The following ZNF385D variants were observed in gnomAD, a reference collection of about 807,000 sequenced individuals.
The protein encoded by ZNF385D is zinc finger protein 385D, also known as zinc finger protein 659.
In ZNF385D, 15 loss-of-function variants were observed where a neutral mutation model predicts 35.8. That is an observed-to-expected ratio of 0.42 (90% CI 0.28 to 0.64). The LOEUF is 0.64. Among genes scored for constraint, ZNF385D ranks in the 30% least tolerant of loss-of-function variants. The probability of loss-of-function intolerance (pLI) is 0.23; values close to 1 mark genes in which losing one functional copy is unlikely to be tolerated. For synonymous variants in ZNF385D, 212 were observed against 186.8 expected, an observed-to-expected ratio of 1.13 and a Z score of -1.10; for missense variants, 474 against 494.6, an observed-to-expected ratio of 0.96 and a Z score of 0.39.
At chr3:22,014,028 C>T (rs902419404) in intron 3 of ZNF385D, among the ~76,000 whole-genome samples, 4 of 151,772 alleles carry the variant, frequency 2.6e-5, no homozygotes, top group Non-Finnish European at 5.9e-5. Flanking sequence ...AAGAAGCAAC[C>T]CCAAGAAATA....
intron 2 of ZNF385D, among the ~76,000 whole-genome samples, chr3:22,309,075 A>C (rs1288342518): frequency 6.6e-6 from 1 of 152,058 alleles, no homozygotes; most frequent in Non-Finnish European, 1.5e-5. Context: ...AGAAAACCAC[A>C]CTGTGTAACT....
intron 3 of ZNF385D, among the ~76,000 whole-genome samples, chr3:21,970,607 TAGAG>T (rs373534656): frequency 2.0e-5 from 3 of 148,100 alleles, no homozygotes; most frequent in South Asian, 2.2e-4. Context: ...CCTTAAAGAG[TAGAG>T]AGAGAGAGAG....
intron 3 of ZNF385D, among the ~76,000 whole-genome samples, chr3:21,835,524 A>C (rs984940926): frequency 6.6e-6 from 1 of 151,878 alleles, no homozygotes; most frequent in African/African-American, 2.4e-5. Flanking sequence ...ACTACTTAAA[A>C]AAAAAAAAAC....
intron 2 of ZNF385D, among the ~76,000 whole-genome samples, chr3:22,369,318 A>G (rs1696795109): frequency 6.6e-6 from 1 of 152,206 alleles, no homozygotes; most frequent in Admixed American, 6.5e-5. Context: ...AGTAGAAAAT[A>G]CATACATGTG....
intron 1 of ZNF385D, among the ~76,000 whole-genome samples, chr3:21,698,240 A>G (rs971185148): frequency 8.5e-5 from 13 of 152,222 alleles, no homozygotes; most frequent in Admixed American, 2.6e-4. Context: ...AATGTGCTCT[A>G]TATATATCAT....
intron 2 of ZNF385D, among the ~76,000 whole-genome samples, chr3:22,274,736 T>C (rs1701341313): frequency 1.3e-5 from 2 of 151,672 alleles, no homozygotes. Context: ...TTCTATTTAA[T>C]CTTCCAGTCA....
chr3:22,265,306 T>C (rs1700842236), intron 2 of ZNF385D, among the ~76,000 whole-genome samples: 1 of 152,124 alleles, frequency 6.6e-6, no homozygotes, highest in Admixed American at 6.6e-5. Context: ...AAGATTTTTT[T>C]AAAACCAGTT....
chr3:22,327,579 A>G (rs954994128), intron 2 of ZNF385D, among the ~76,000 whole-genome samples: 1 of 152,204 alleles, frequency 6.6e-6, no homozygotes, highest in Non-Finnish European at 1.5e-5. Context: ...AGACTAACAC[A>G]AATCTCCATG....
intron 2 of ZNF385D, among the ~76,000 whole-genome samples, chr3:22,203,307 C>T (rs1576490012): frequency 6.6e-6 from 1 of 152,062 alleles, no homozygotes; most frequent in African/African-American, 2.4e-5. Context: ...GAATATGCTG[C>T]CTGAAGGGGA....
intron 3 of ZNF385D, among the ~76,000 whole-genome samples, chr3:21,899,365 G>A (rs542441114): frequency 5.3e-5 from 8 of 152,056 alleles, no homozygotes; most frequent in South Asian, 2.1e-4. Context: ...TTCTCCCACC[G>A]GGGAAAAGAA....
chr3:21,678,502 T>A (rs1353929640), intron 1 of ZNF385D, among the ~76,000 whole-genome samples: 1 of 152,052 alleles, frequency 6.6e-6, no homozygotes, highest in Non-Finnish European at 1.5e-5. Flanking sequence ...AACCCAAACG[T>A]TTTGTAGAAA....
intron 3 of ZNF385D, among the ~76,000 whole-genome samples, chr3:21,940,495 G>A (rs181370801): frequency 8.0e-4 from 122 of 152,252 alleles, no homozygotes; most frequent in South Asian, 6.2e-4. Flanking sequence ...TTATCAGTTC[G>A]TTCAACATTC....
intron 2 of ZNF385D, among the ~76,000 whole-genome samples, chr3:21,609,957 T>C (rs188415746): frequency 6.6e-6 from 1 of 152,184 alleles, no homozygotes; most frequent in Non-Finnish European, 1.5e-5. Flanking sequence ...CTGTTTCCAG[T>C]TGCGCAGGCA....
At chr3:21,708,644 T>A (rs2067992598) in intron 1 of ZNF385D, among the ~76,000 whole-genome samples, 2 of 152,204 alleles carry the variant, frequency 1.3e-5, no homozygotes, top group African/African-American at 4.8e-5. Flanking sequence ...TTTTACAGAT[T>A]TTTTGTATTC....
intron 3 of ZNF385D, among the ~76,000 whole-genome samples, chr3:21,881,092 A>C (rs1439169883): frequency 6.6e-6 from 1 of 152,036 alleles, no homozygotes; most frequent in East Asian, 1.9e-4. Flanking sequence ...TGAAGCTGCA[A>C]GTAGTGATGT....
chr3:21,507,882 T>G (rs192116515), intron 4 of ZNF385D, among the ~76,000 whole-genome samples: 79 of 152,346 alleles, frequency 5.2e-4, no homozygotes, highest in Admixed American at 2.2e-3. Context: ...AATAAGGGTC[T>G]ACGAAATGGG....
chr3:21,874,464 C>T (rs1168903325), intron 3 of ZNF385D, among the ~76,000 whole-genome samples: 1 of 152,034 alleles, frequency 6.6e-6, no homozygotes, highest in Non-Finnish European at 1.5e-5. Flanking sequence ...GCCTCTTCAT[C>T]TGTTGATTGC....
At chr3:22,036,455 T>C (rs574345095) in intron 3 of ZNF385D, among the ~76,000 whole-genome samples, 5 of 151,650 alleles carry the variant, frequency 3.3e-5, no homozygotes, top group African/African-American at 1.2e-4. Context: ...AACTGACCTA[T>C]CGAGAAATTC....
At chr3:21,812,017 T>G (rs892791597) in intron 3 of ZNF385D, among the ~76,000 whole-genome samples, 1 of 152,170 alleles carries the variant, frequency 6.6e-6, no homozygotes, top group African/African-American at 2.4e-5. Flanking sequence ...AAAATCAAAT[T>G]TGAATATTTT....
Sources: allele counts gnomAD v4.1 joint callset (sites outside exome capture counted in the v4.1 genomes callset), GRCh38; gene constraint gnomAD v4.1.1; transcripts MANE v1.5; gene names NCBI Gene and HGNC (gene_info 2026-07-23, HGNC 2026-07-21).